The following PDGFC variants were observed in gnomAD, a reference collection of about 807,000 sequenced individuals.
PDGFC encodes platelet-derived growth factor C.
In PDGFC, 12 loss-of-function variants were observed where a neutral mutation model predicts 35.5. The observed-to-expected ratio is 0.34, with a 90% CI of 0.22 to 0.55. PDGFC has a LOEUF of 0.55. PDGFC is among the 20% of genes least tolerant of loss of function. PDGFC has a pLI of 0.91. For missense variants in PDGFC, 322 were observed against 412.4 expected, an observed-to-expected ratio of 0.78 and a Z score of 1.90; for synonymous variants, 159 against 148.8, an observed-to-expected ratio of 1.07 and a Z score of -0.50.
At chr4:156,839,379 T>A (rs1239808910) in intron 2 of PDGFC, among the ~76,000 whole-genome samples, 1 of 152,182 alleles carries the variant, frequency 6.6e-6, no homozygotes, top group Non-Finnish European at 1.5e-5. Flanking sequence ...TGCTAGGCAC[T>A]TCTTCCTGCC....
chr4:156,770,954 C>T (rs1177044122), intron 4 of PDGFC, among the ~76,000 whole-genome samples: 1 of 151,968 alleles, frequency 6.6e-6, no homozygotes, highest in African/African-American at 2.4e-5. Context: ...CTCCTTATTC[C>T]TTTGTAGAGA....
intron 2 of PDGFC, among the ~76,000 whole-genome samples, chr4:156,820,742 C>G (rs894355803): frequency 3.3e-5 from 5 of 152,072 alleles, no homozygotes; most frequent in Non-Finnish European, 5.9e-5. Flanking sequence ...TGATCATACT[C>G]ATAAACACTG....
At chr4:156,968,710 G>A (rs138017383) in intron 1 of PDGFC, among the ~76,000 whole-genome samples, 1 of 151,878 alleles carries the variant, frequency 6.6e-6, no homozygotes, top group Non-Finnish European at 1.5e-5. Context: ...CTTCTCCTTG[G>A]GCTAAAAACT....
At chr4:156,891,775 G>A (rs1730517692) in intron 1 of PDGFC, among the ~76,000 whole-genome samples, 1 of 152,164 alleles carries the variant, frequency 6.6e-6, no homozygotes, top group South Asian at 2.1e-4. Context: ...ACATAGTGGT[G>A]ACTACAGGTA....
chr4:156,871,492 T>G (rs1300617568), intron 1 of PDGFC, among the ~76,000 whole-genome samples: 1 of 152,156 alleles, frequency 6.6e-6, no homozygotes, highest in Non-Finnish European at 1.5e-5. Context: ...CAGGCATAAA[T>G]GGGTCATGTG....
intron 1 of PDGFC, among the ~76,000 whole-genome samples, chr4:156,869,080 T>A (rs1238344700): frequency 6.6e-5 from 10 of 152,130 alleles, no homozygotes; most frequent in East Asian, 1.9e-4. Flanking sequence ...AATCTGATAA[T>A]TTTTTTACTT....
rs746630025 is a variant in PDGFC, at chr4:156,850,286, A to G, written c.249T>C (p.Asn83=). ...CATCAAACGTAAGTTGTATCCATAC[A>G]TTTTCCTCTACTGCTACTAATCTCC... ...LVWRLVAVEE[N]VWIQLTFDER... is the part of the protein sequence containing the mutation. Residue 83 remains asparagine (N), a synonymous_variant, in exon 2 of 6, where the codon AAT becomes AAC. Transcript: ENST00000502773. The G allele has an allele frequency of 1.5e-5, 24 of 1,610,384 alleles. No homozygotes were observed. Among genetic ancestry groups the G allele is most frequent in the Non-Finnish European group, 2.0e-5 (23 of 1,177,820 alleles).
chr4:156,850,511 A>C (rs1206539839), intron 1 of PDGFC, 95 bp from the exon 2 acceptor site: 1 of 592,640 alleles, frequency 1.7e-6, no homozygotes, highest in African/African-American at 1.9e-5. Flanking sequence ...ACCTCAGACA[A>C]GTGCTGAGTG....
At chr4:156,779,949 T>G (rs1730931249) in intron 3 of PDGFC, among the ~76,000 whole-genome samples, 1 of 152,150 alleles carries the variant, frequency 6.6e-6, no homozygotes, top group African/African-American at 2.4e-5. Context: ...CATTGTTGGC[T>G]GGTGAGTCAG....
chr4:156,863,257 T>C (rs1006685555), intron 1 of PDGFC, among the ~76,000 whole-genome samples: 1 of 152,140 alleles, frequency 6.6e-6, no homozygotes, highest in African/African-American at 2.4e-5. Flanking sequence ...CCAGAAAAAC[T>C]GGACACTATA....
chr4:156,924,827 G>T (rs1236371059), intron 1 of PDGFC, among the ~76,000 whole-genome samples: 2 of 152,148 alleles, frequency 1.3e-5, no homozygotes, highest in African/African-American at 4.8e-5. Context: ...AACTAAAAGG[G>T]GAGAAGGATT....
intron 1 of PDGFC, among the ~76,000 whole-genome samples, chr4:156,856,236 C>T (rs1324768047): frequency 6.6e-6 from 1 of 152,124 alleles, no homozygotes; most frequent in Non-Finnish European, 1.5e-5. Context: ...ATTCAGTAAA[C>T]CACGGAACTA....
chr4:156,797,741 C>T (rs939686322), intron 3 of PDGFC, among the ~76,000 whole-genome samples: 2 of 152,172 alleles, frequency 1.3e-5, no homozygotes, highest in African/African-American at 4.8e-5. Flanking sequence ...ATGGGTTGGA[C>T]AAGCTTGGAG....
chr4:156,802,555 TACACACACAC>T (rs3042776), intron 3 of PDGFC, among the ~76,000 whole-genome samples: 2,456 of 145,670 alleles, frequency 0.017, 66 homozygotes, highest in African/African-American at 0.057. Context: ...TACACACACA[TACACACACAC>T]ACACACACAC....
At position 156,895,576 on chromosome 4, in the gene PDGFC, A is replaced by G. The variant is rs549127797; in HGVS notation, c.119-45160T>C. On this transcript the variant is annotated intron_variant, in intron 1 of 5. Transcript: ENST00000502773. ...GAACCCGGGAGGCAGAGGTTGCAGT[A>G]AGCTGAGATCGTGCCACTGCACTCC... is the stretch of plus-strand genomic sequence containing the variant. Among the ~76,000 whole-genome samples, 37 of 151,720 alleles carry G rather than the reference A, an allele frequency of 2.4e-4. No individual in the cohort carries two copies. The South Asian group carries it at 5.6e-3, about 23-fold the overall frequency.
At chr4:156,885,519 A>G (rs938071815) in intron 1 of PDGFC, among the ~76,000 whole-genome samples, 2 of 152,250 alleles carry the variant, frequency 1.3e-5, no homozygotes, top group Admixed American at 6.5e-5. Context: ...ATCAATGTCT[A>G]TAACAATATA....
At chr4:156,851,812 T>C (rs1010453646) in intron 1 of PDGFC, among the ~76,000 whole-genome samples, 2 of 151,086 alleles carry the variant, frequency 1.3e-5, no homozygotes, top group Non-Finnish European at 3.0e-5. Flanking sequence ...GCGCCTGTAG[T>C]CCCTGCTACT....
At chr4:156,893,679 A>T (rs953866719) in intron 1 of PDGFC, among the ~76,000 whole-genome samples, 2 of 152,008 alleles carry the variant, frequency 1.3e-5, no homozygotes, top group Non-Finnish European at 2.9e-5. Flanking sequence ...CAAAAAAAAA[A>T]AAAATCTTGC....
At chr4:156,819,384 A>T (rs965799222) in intron 2 of PDGFC, among the ~76,000 whole-genome samples, 15 of 152,190 alleles carry the variant, frequency 9.9e-5, no homozygotes, top group Non-Finnish European at 1.3e-4. Context: ...CTCCCTTGTT[A>T]GGGGCTAATG....
Sources: allele counts gnomAD v4.1 joint callset (sites outside exome capture counted in the v4.1 genomes callset), GRCh38; gene constraint gnomAD v4.1.1; transcripts MANE v1.5; gene names NCBI Gene and HGNC (gene_info 2026-07-23, HGNC 2026-07-21).